Variants in CSMD1 observed in about 807,000 individuals in gnomAD.
CSMD1 encodes the protein CUB and Sushi multiple domains 1.
A neutral mutation model predicts 417.5 loss-of-function variants in CSMD1; 213 were observed. That is an observed-to-expected ratio of 0.51 (90% CI 0.46 to 0.57). The LOEUF (loss-of-function observed/expected upper bound fraction) is 0.57, where lower values mean the gene tolerates loss of function less well. Among genes scored for constraint, CSMD1 ranks in the 20% least tolerant of loss-of-function variants. The probability of loss-of-function intolerance (pLI) is 0.00; values close to 1 mark genes in which losing one functional copy is unlikely to be tolerated. For synonymous variants in CSMD1, 2,862 were observed against 1,736.8 expected, an observed-to-expected ratio of 1.65 and a Z score of -16.11; for missense variants, 6,923 against 4,529.7, an observed-to-expected ratio of 1.53 and a Z score of -15.17.
rs559605867 is a variant in CSMD1 at position 4,578,700 on chromosome 8, G to C, written c.302+58642C>G. Among the ~76,000 whole-genome samples, 3 of 149,916 alleles carry C rather than the reference G, an allele frequency of 2.0e-5. No individual in the cohort carries two copies. The East Asian group carries it at 6.1e-4, about 30-fold the overall frequency. Reference sequence around the variant, plus strand: ...CATGGTGGCAGGTCCTGTAATTCCAGCTACTCAAGAGGCTGAGGCAAGATA... The same window carrying C: ...CATGGTGGCAGGTCCTGTAATTCCACCTACTCAAGAGGCTGAGGCAAGATA... On this transcript the variant is annotated intron_variant, in intron 2 of 69. Coordinates refer to ENST00000635120, the MANE Select transcript of CSMD1 (RefSeq NM_033225.6).
At chr8:3,904,253 A>ACCTTC (rs1467310395) in intron 5 of CSMD1, among the ~76,000 whole-genome samples, 1 of 152,140 alleles carries the variant, frequency 6.6e-6, no homozygotes, top group Non-Finnish European at 1.5e-5. Context: ...GACGAATAGC[A>ACCTTC]CCTTCCCTTA....
chr8:3,036,951 T>C (rs976062258), intron 50 of CSMD1, among the ~76,000 whole-genome samples: 6 of 152,140 alleles, frequency 3.9e-5, no homozygotes, highest in Non-Finnish European at 8.8e-5. Context: ...CAATATGTAG[T>C]CTTTTATCCC....
At chr8:4,799,466 G>A (rs1459297162) in intron 1 of CSMD1, among the ~76,000 whole-genome samples, 1 of 151,762 alleles carries the variant, frequency 6.6e-6, no homozygotes, top group African/African-American at 2.4e-5. Context: ...GCGCGTAATG[G>A]TGTGTGCCTG....
chr8:3,630,726 TGC>T (rs778732345), intron 7 of CSMD1, among the ~76,000 whole-genome samples: 9 of 137,972 alleles, frequency 6.5e-5, no homozygotes, highest in Non-Finnish European at 1.4e-4. Flanking sequence ...GAAATGGAGT[TGC>T]CTCTCTGAAG....
intron 12 of CSMD1, among the ~76,000 whole-genome samples, chr8:3,453,248 T>C (rs1020115597): frequency 1.3e-5 from 2 of 152,066 alleles, no homozygotes; most frequent in African/African-American, 4.8e-5. Flanking sequence ...ATTTTGTTGA[T>C]CTTTTCAAAA....
intron 12 of CSMD1, among the ~76,000 whole-genome samples, chr8:3,446,874 A>T (rs777539501): frequency 6.6e-6 from 1 of 152,162 alleles, no homozygotes; most frequent in Non-Finnish European, 1.5e-5. Flanking sequence ...TCTTTTTCTA[A>T]CTTTAAGAAC....
At chr8:3,391,309 T>C (rs1292088906) in intron 17 of CSMD1, among the ~76,000 whole-genome samples, 1 of 152,240 alleles carries the variant, frequency 6.6e-6, no homozygotes, top group Non-Finnish European at 1.5e-5. Flanking sequence ...ATCTTTCTTC[T>C]GCCTTCAGAG....
intron 2 of CSMD1, among the ~76,000 whole-genome samples, chr8:4,624,147 T>C (rs1470996218): frequency 3.3e-5 from 5 of 152,118 alleles, no homozygotes; most frequent in South Asian, 2.1e-4. Context: ...GAAACCAAAA[T>C]AGCAGGTTTG....
intron 25 of CSMD1, among the ~76,000 whole-genome samples, chr8:3,288,095 T>A (rs1002227549): frequency 6.8e-6 from 1 of 147,584 alleles, no homozygotes. Context: ...GTTTATATGC[T>A]GGATTACATT....
chr8:3,577,955 T>C (rs1229095980), intron 9 of CSMD1, among the ~76,000 whole-genome samples: 1 of 152,180 alleles, frequency 6.6e-6, no homozygotes, highest in Non-Finnish European at 1.5e-5. Context: ...GCTTGAGCTG[T>C]TGTGATTTCT....
At chr8:3,158,142 A>C (rs1311149036) in intron 38 of CSMD1, among the ~76,000 whole-genome samples, 176 bp from the exon 39 acceptor site, 1 of 152,238 alleles carries the variant, frequency 6.6e-6, no homozygotes, top group Non-Finnish European at 1.5e-5. Context: ...ATTTTGAACC[A>C]ACATAGAAAA....
intron 7 of CSMD1, among the ~76,000 whole-genome samples, chr8:3,703,122 A>G (rs936938859): frequency 3.9e-5 from 6 of 152,220 alleles, no homozygotes; most frequent in Admixed American, 3.9e-4. Context: ...TTTTCTTCAA[A>G]CATTACTGAT....
chr8:3,728,078 C>T (rs192678757), intron 6 of CSMD1, among the ~76,000 whole-genome samples: 4 of 152,274 alleles, frequency 2.6e-5, no homozygotes, highest in Admixed American at 2.6e-4. Context: ...ACAGTGTCCG[C>T]ACCCAAATCT....
chr8:4,342,523 C>T (rs906367746), intron 3 of CSMD1, among the ~76,000 whole-genome samples: 1 of 152,050 alleles, frequency 6.6e-6, no homozygotes, highest in Non-Finnish European at 1.5e-5. Flanking sequence ...CGAACTCTGA[C>T]ATTTTCCTGA....
intron 3 of CSMD1, among the ~76,000 whole-genome samples, chr8:4,069,676 G>C (rs1252628891): frequency 1.3e-5 from 2 of 152,074 alleles, no homozygotes; most frequent in South Asian, 2.1e-4. Context: ...TCTCCGACTG[G>C]ATTGCATTCT....
chr8:3,362,339 A>C (rs1240483596), intron 20 of CSMD1, among the ~76,000 whole-genome samples: 1 of 152,062 alleles, frequency 6.6e-6, no homozygotes, highest in Non-Finnish European at 1.5e-5. Context: ...ACAGCCTTCC[A>C]CTCAAATGAT....
intron 10 of CSMD1, among the ~76,000 whole-genome samples, chr8:3,564,367 C>T (rs117236856): frequency 2.6e-5 from 4 of 152,168 alleles, no homozygotes; most frequent in Non-Finnish European, 5.9e-5. Flanking sequence ...ATAACTCCTA[C>T]ACAAACCTAG....
intron 7 of CSMD1, among the ~76,000 whole-genome samples, chr8:3,696,345 G>A (rs1282959894): frequency 6.6e-6 from 1 of 152,144 alleles, no homozygotes; most frequent in Non-Finnish European, 1.5e-5. Context: ...TACCCAATGT[G>A]TTCACCTTGG....
chr8:3,192,656 T>C (rs888744310), intron 33 of CSMD1, among the ~76,000 whole-genome samples: 1 of 152,182 alleles, frequency 6.6e-6, no homozygotes, highest in Admixed American at 6.5e-5. Context: ...ATACAATATT[T>C]TATATTTTGA....
Sources: gnomAD v4.1 joint callset for allele counts (sites outside exome capture counted in the v4.1 genomes callset) on GRCh38, gnomAD v4.1.1 for gene constraint, MANE v1.5 for transcripts, NCBI Gene and HGNC (gene_info 2026-07-23, HGNC 2026-07-21) for gene names.